Variants in HPSE2 observed in about 807,000 individuals in gnomAD.
HPSE2 encodes the protein inactive heparanase-2.
A neutral mutation model predicts 60.5 loss-of-function variants in HPSE2; 38 were observed. The observed-to-expected ratio is 0.63, with a 90% confidence interval of 0.48 to 0.82. The LOEUF is 0.82. Among genes scored for constraint, HPSE2 ranks in the 40% least tolerant of loss-of-function variants. HPSE2 has a pLI of 0.00. For missense variants in HPSE2, 713 were observed against 740.4 expected, an observed-to-expected ratio of 0.96 and a Z score of 0.43; for synonymous variants, 295 against 293.2, an observed-to-expected ratio of 1.01 and a Z score of -0.06.
At chr10:98,985,727 G>T (rs1956326442) in intron 3 of HPSE2, among the ~76,000 whole-genome samples, 1 of 152,240 alleles carries the variant, frequency 6.6e-6, no homozygotes, top group Admixed American at 6.5e-5. Flanking sequence ...ACCCATCAGT[G>T]TGCTATATTC....
At chr10:99,038,957 G>T (rs1957673013) in intron 3 of HPSE2, among the ~76,000 whole-genome samples, 1 of 152,088 alleles carries the variant, frequency 6.6e-6, no homozygotes, top group African/African-American at 2.4e-5. Context: ...TTGCAAACCA[G>T]AACAGAAGCC....
At position 99,045,568 on chromosome 10, in the gene HPSE2, A is replaced by T. The variant is rs555634614; in HGVS notation, c.610+98670T>A. On this transcript the variant is annotated intron_variant, in intron 3 of 11. Coordinates refer to ENST00000370552, the MANE Select transcript of HPSE2 (RefSeq NM_021828.5). The stretch of plus-strand genomic sequence containing the variant: ...ACAAGAATTCATTCTCCAAAAAAAT[A>T]AACAAGATTAACATATGGCTAGCTA... Among the ~76,000 whole-genome samples, 30 of 152,256 alleles carry T rather than the reference A, an allele frequency of 2.0e-4. 1 individual carries two copies. In the South Asian group the frequency reaches 3.5e-3, roughly 18 times the overall value.
At chr10:98,692,460 A>G (rs534445) in intron 6 of HPSE2, among the ~76,000 whole-genome samples, 53,678 of 151,914 alleles carry the variant, frequency 0.35, 9,713 homozygotes, top group Admixed American at 0.41. Flanking sequence ...AGCTTACTCA[A>G]TCCATGACTC....
intron 11 of HPSE2, among the ~76,000 whole-genome samples, chr10:98,481,469 T>C (rs761053080): frequency 6.3e-4 from 95 of 151,864 alleles, no homozygotes; most frequent in Non-Finnish European, 1.3e-3. Flanking sequence ...TACTCAGAAG[T>C]GAAGAGAAAG....
At chr10:99,253,327 C>T in the HPSE2 span, among the ~76,000 whole-genome samples, 1 of 152,256 alleles carries the variant, frequency 6.6e-6, no homozygotes, top group East Asian at 1.9e-4. Context: ...AGAAACAAAG[C>T]TGCACACCTA....
chr10:99,196,832 A>C (rs1376177070), intron 2 of HPSE2, among the ~76,000 whole-genome samples: 1 of 152,182 alleles, frequency 6.6e-6, no homozygotes, highest in African/African-American at 2.4e-5. Flanking sequence ...AAAGCTGAAA[A>C]TTGAGCTACC....
At chr10:98,955,090 A>G (rs781616075) in intron 3 of HPSE2, among the ~76,000 whole-genome samples, 8 of 151,678 alleles carry the variant, frequency 5.3e-5, no homozygotes, top group Non-Finnish European at 1.2e-4. Flanking sequence ...CATGGAACAG[A>G]ATCATAGAGA....
intron 2 of HPSE2, among the ~76,000 whole-genome samples, chr10:99,184,874 T>C (rs1347526753): frequency 1.3e-5 from 1 of 78,660 alleles, no homozygotes; most frequent in Admixed American, 1.3e-4. Context: ...ACAGAAACAC[T>C]GAAAAAATGA....
chr10:99,255,556 GCACACATA>G, the HPSE2 span, among the ~76,000 whole-genome samples: 4 of 89,822 alleles, frequency 4.5e-5, no homozygotes, highest in African/African-American at 1.2e-4. Context: ...ATGCACGCAT[GCACACATA>G]CACACACACA....
intron 3 of HPSE2, chr10:99,047,715 C>T (rs1957888480): frequency 3.5e-6 from 3 of 850,202 alleles, no homozygotes; most frequent in Non-Finnish European, 6.0e-6. Flanking sequence ...AGGAATTTCA[C>T]AGAGCTGAAG....
intron 3 of HPSE2, among the ~76,000 whole-genome samples, chr10:99,081,626 A>G: frequency 7.6e-6 from 1 of 131,130 alleles, no homozygotes; most frequent in Admixed American, 7.7e-5. Context: ...ATGATGAGAT[A>G]ATATAATTTC....
intron 3 of HPSE2, among the ~76,000 whole-genome samples, chr10:99,091,501 C>T (rs1843512251): frequency 1.3e-5 from 2 of 152,138 alleles, no homozygotes; most frequent in Admixed American, 1.3e-4. Flanking sequence ...TTTAAAAGCC[C>T]AGCCACTACT....
At chr10:99,014,909 T>C (rs1246160878) in intron 3 of HPSE2, among the ~76,000 whole-genome samples, 2 of 152,172 alleles carry the variant, frequency 1.3e-5, no homozygotes, top group African/African-American at 4.8e-5. Flanking sequence ...AGAAAATTTT[T>C]GCAATCTACT....
the HPSE2 span, among the ~76,000 whole-genome samples, chr10:99,254,316 T>G: frequency 6.6e-6 from 1 of 152,308 alleles, no homozygotes; most frequent in South Asian, 2.1e-4. Context: ...ATAATGCATG[T>G]TCTCACTTCT....
chr10:98,921,812 A>G (rs1260922649), intron 3 of HPSE2, among the ~76,000 whole-genome samples: 1 of 152,086 alleles, frequency 6.6e-6, no homozygotes, highest in Non-Finnish European at 1.5e-5. Flanking sequence ...TATTAGGTGA[A>G]TATCTTTCAT....
the HPSE2 span, among the ~76,000 whole-genome samples, chr10:99,305,969 GCGCGCGCGCGCACACACA>G: frequency 3.5e-4 from 18 of 50,924 alleles, no homozygotes; most frequent in African/African-American, 1.6e-3. Context: ...ACACGCGCGC[GCGCGCGCGCGCACACACA>G]CACACACACA....
intron 6 of HPSE2, among the ~76,000 whole-genome samples, chr10:98,662,094 C>T (rs1040009857): frequency 2.6e-5 from 4 of 152,100 alleles, no homozygotes; most frequent in Non-Finnish European, 5.9e-5. Flanking sequence ...AGGGTTTCAC[C>T]ATGTTGGCCA....
chr10:99,059,851 G>T (rs1476199075), intron 3 of HPSE2, among the ~76,000 whole-genome samples: 1 of 152,070 alleles, frequency 6.6e-6, no homozygotes, highest in African/African-American at 2.4e-5. Flanking sequence ...CTTAAAAAAT[G>T]TACAGTCTAG....
intron 3 of HPSE2, among the ~76,000 whole-genome samples, chr10:98,995,388 ACAAGTATTAC>A (rs1956621062): frequency 6.6e-6 from 1 of 152,230 alleles, no homozygotes; most frequent in South Asian, 2.1e-4. Flanking sequence ...TAAGCACACA[ACAAGTATTAC>A]CAATTACTAT....
Sources: gnomAD v4.1 joint callset for allele counts (sites outside exome capture counted in the v4.1 genomes callset) on GRCh38, gnomAD v4.1.1 for gene constraint, MANE v1.5 for transcripts, NCBI Gene and HGNC (gene_info 2026-07-23, HGNC 2026-07-21) for gene names.